ZNF99: variants seen among roughly 807,000 people sequenced by gnomAD.
ZNF99 encodes zinc finger protein 99, also known as zinc finger protein ENSP00000375192.
A neutral mutation model predicts 12.8 loss-of-function variants in ZNF99; 8 were observed. That is an observed-to-expected ratio of 0.62 (90% CI 0.37 to 1.13). The LOEUF (loss-of-function observed/expected upper bound fraction) is 1.13, where lower values mean the gene tolerates loss of function less well. Ranked by LOEUF, ZNF99 falls within the 50% of genes most tolerant of loss-of-function variation. The probability of loss-of-function intolerance (pLI) is 0.02; values close to 1 mark genes in which losing one functional copy is unlikely to be tolerated. For missense variants in ZNF99, 1,007 were observed against 1,006.2 expected (o/e 1.00, Z -0.01); for synonymous variants, 318 against 319.0 (o/e 1.00, Z 0.03).
chr19:22,768,483 T>A, intron 2 of ZNF99, 83 bp from the exon 3 acceptor site: 1 of 1,160,906 alleles, frequency 8.6e-7, no homozygotes, highest in Non-Finnish European at 1.2e-6. Flanking sequence ...AATAGAATAT[T>A]CTAGTAAATT....
chr19:22,780,767 T>G (rs1973378725), intron 1 of ZNF99, among the ~76,000 whole-genome samples: 1 of 150,492 alleles, frequency 6.6e-6, no homozygotes, highest in Non-Finnish European at 1.5e-5. Context: ...AGTTTCAGCA[T>G]GAAACTCAGA....
intron 1 of ZNF99, among the ~76,000 whole-genome samples, chr19:22,780,751 G>T (rs1450154849): frequency 1.3e-5 from 2 of 151,810 alleles, no homozygotes; most frequent in African/African-American, 4.8e-5. Flanking sequence ...TTTCTAGAAG[G>T]TACAAAGTTT....
Position 22,758,975 on chromosome 19 carries a change from G to C in ZNF99, c.934C>G (p.Pro312Ala), listed in dbSNP as rs371023585. ...TTGCCACATTCTTCGCATTTGTAGG[G>C]TTTCTCTCCAGTATGAATTGCTTTA... ...RHKAIHTGEK[P>A]YKCEECGKAF... Residue 312 changes from proline to alanine, a missense_variant, in exon 4 of 4, where the codon CCC (proline) becomes GCC (alanine). Transcript: ENST00000596209. 5.6e-6 allele frequency: 9 copies of C among 1,613,752 alleles called. No homozygotes were observed. The highest frequency in any genetic ancestry group is 7.6e-6 in the Non-Finnish European group (9 of 1,179,932).
intron 1 of ZNF99, chr19:22,769,976 A>G: frequency 8.8e-6 from 12 of 1,361,374 alleles, no homozygotes; most frequent in Non-Finnish European, 1.1e-5. Context: ...TCAGACCAAA[A>G]AGACATGTTG....
Position 22,759,062 on chromosome 19 carries a change from T to C in ZNF99, c.847A>G (p.Lys283Glu), listed in dbSNP as rs758287468. 1.1e-5 allele frequency: 17 copies of C among 1,613,652 alleles called. No homozygotes were observed. The South Asian group carries it at 1.5e-4, about 15-fold the overall frequency. ...MKHKIIHTGK[K>E]PYKCEECGKA... ...CCACATTCTTCACATTTATATGGTT[T>C]CTTCCCAGTATGAATTATCTTATGT... The change falls in exon 4 of 4, where the codon AAA becomes GAA. Residue 283 changes from lysine (K) to glutamate (E), a missense_variant. Coordinates refer to ENST00000596209, the MANE Select transcript of ZNF99 (RefSeq NM_001080409.3).
chr19:22,776,053 G>C (rs1348373408), intron 1 of ZNF99, among the ~76,000 whole-genome samples: 2 of 150,718 alleles, frequency 1.3e-5, no homozygotes, highest in African/African-American at 4.9e-5. Flanking sequence ...CAAAAACCTA[G>C]TAGACAAAAG....
intron 3 of ZNF99, among the ~76,000 whole-genome samples, chr19:22,767,439 T>C (rs1262872669): frequency 6.6e-6 from 1 of 152,156 alleles, no homozygotes; most frequent in Non-Finnish European, 1.5e-5. Context: ...TTCATGCAAA[T>C]AGTAGCCACA....
At chr19:22,772,316 C>A (rs1259048447) in intron 1 of ZNF99, among the ~76,000 whole-genome samples, 1 of 152,070 alleles carries the variant, frequency 6.6e-6, no homozygotes, top group Admixed American at 6.6e-5. Context: ...GTTATAGTGT[C>A]CAGTGTGGCA....
chr19:22,769,284 A>G lies in ZNF99; in HGVS notation c.44T>C (p.Leu15Pro), dbSNP rs761515843. The G allele has an allele frequency of 6.2e-7, 1 of 1,610,186 alleles. No individual in the cohort carries two copies. Among genetic ancestry groups the G allele is most frequent in the Non-Finnish European group, 8.5e-7 (1 of 1,177,898 alleles). The change falls in exon 2 of 4, where the codon CTG becomes CCG. Residue 15 changes from leucine to proline, a missense_variant. Transcript: ENST00000596209. ...CATGTCCAGGCATTGCCACTCCTCC[A>G]GAGCGAATTCTATGGTCACATCCCA... ...TFWDVTIEFA[L>P]EEWQCLDMAQ... is the part of the protein sequence containing the mutation.
intron 1 of ZNF99, among the ~76,000 whole-genome samples, chr19:22,771,928 G>C (rs1193102207): frequency 6.7e-6 from 1 of 149,066 alleles, no homozygotes; most frequent in African/African-American, 2.5e-5. Context: ...ATATTGGCCA[G>C]GCTGGTCTCG....
chr19:22,776,993 G>A (rs1215216145), intron 1 of ZNF99, among the ~76,000 whole-genome samples: 1 of 151,914 alleles, frequency 6.6e-6, no homozygotes, highest in Non-Finnish European at 1.5e-5. Flanking sequence ...AAAAAATACA[G>A]GAAGAAAAAT....
Position 22,760,499 on chromosome 19 carries a change from C to A in ZNF99, c.227-817G>T, listed in dbSNP as rs143134876. Reference sequence around the variant, plus strand: ...GTGGCTCAGGCCTGTAATCCCAGCACCTTGAGAGGCCTAGGTGGGCAGATC... The same window carrying A: ...GTGGCTCAGGCCTGTAATCCCAGCAACTTGAGAGGCCTAGGTGGGCAGATC... On this transcript the variant is annotated intron_variant, in intron 3 of 3. Transcript: ENST00000596209. 2.8e-3 allele frequency among the ~76,000 whole-genome samples: 428 copies of A among 152,218 alleles called. 2 individuals are homozygous for A. Among genetic ancestry groups the A allele is most frequent in the Non-Finnish European group, 3.1e-3 (213 of 68,014 alleles).
At chr19:22,782,510 T>G (rs1416149517) in intron 1 of ZNF99, among the ~76,000 whole-genome samples, 1 of 151,078 alleles carries the variant, frequency 6.6e-6, no homozygotes, top group Non-Finnish European at 1.5e-5. Flanking sequence ...TACAGGCATG[T>G]GCCACCACAC....
chr19:22,780,129 AAACT>A (rs774144267), intron 1 of ZNF99, among the ~76,000 whole-genome samples: 79 of 152,260 alleles, frequency 5.2e-4, no homozygotes, highest in Non-Finnish European at 9.7e-4. Context: ...TCCCCAGAAA[AAACT>A]AACTGATCCT....
intron 1 of ZNF99, among the ~76,000 whole-genome samples, chr19:22,773,540 A>G (rs1414762664): frequency 1.3e-5 from 2 of 152,254 alleles, no homozygotes; most frequent in Non-Finnish European, 2.9e-5. Flanking sequence ...GTTATGTTCA[A>G]TGACAAAATA....
At chr19:22,760,597 C>T (rs1369742624) in intron 3 of ZNF99, among the ~76,000 whole-genome samples, 3 of 151,820 alleles carry the variant, frequency 2.0e-5, no homozygotes, top group Non-Finnish European at 2.9e-5. Context: ...ACAAAAAATT[C>T]GCCAGGTGTG....
At chr19:22,760,911 A>T (rs1446967487) in intron 3 of ZNF99, among the ~76,000 whole-genome samples, 2 of 148,016 alleles carry the variant, frequency 1.4e-5, no homozygotes, top group African/African-American at 5.2e-5. Flanking sequence ...AAAAAATTTC[A>T]AACAAGATGC....
chr19:22,783,904 C>A (rs1034612970), intron 1 of ZNF99, 110 bp downstream of exon 1: 14 of 1,407,078 alleles, frequency 9.9e-6, no homozygotes, highest in Admixed American at 3.4e-5. Flanking sequence ...GAGCTCGGGG[C>A]GCAGACTGTG....
intron 1 of ZNF99, chr19:22,773,894 C>T (rs1374847338): frequency 6.6e-6 from 1 of 152,182 alleles, no homozygotes; most frequent in African/African-American, 2.4e-5. Flanking sequence ...GCCTGCAGGC[C>T]TCCTGGGGAG....
Sources: allele counts gnomAD v4.1 joint callset (sites outside exome capture counted in the v4.1 genomes callset), GRCh38; gene constraint gnomAD v4.1.1; transcripts MANE v1.5; gene names NCBI Gene and HGNC (gene_info 2026-07-23, HGNC 2026-07-21).